Variants in PSD4 observed in about 807,000 individuals in gnomAD.
PSD4 encodes pleckstrin and Sec7 domain containing 4.
A neutral mutation model predicts 112.5 loss-of-function variants in PSD4; 59 were observed. The observed-to-expected ratio is 0.52, with a 90% CI of 0.43 to 0.65. The LOEUF (loss-of-function observed/expected upper bound fraction) is 0.65. Ranked by LOEUF, PSD4 falls within the 30% of genes least tolerant of loss-of-function variation. The pLI is 0.00. For synonymous variants in PSD4, 533 were observed against 540.0 expected, an observed-to-expected ratio of 0.99 and a Z score of 0.18; for missense variants, 1,267 against 1,352.6, an observed-to-expected ratio of 0.94 and a Z score of 0.99.
chr2:113,197,263 G>T (rs551473923), intron 12 of PSD4: 2 of 437,610 alleles, frequency 4.6e-6, no homozygotes. Flanking sequence ...CCACTACTTG[G>T]GGTAGTGGGT....
At chr2:113,197,936 T>A (rs1368831793) in intron 14 of PSD4, 23 bp downstream of exon 14, 2 of 1,543,828 alleles carry the variant, frequency 1.3e-6, no homozygotes, top group South Asian at 2.5e-5. Flanking sequence ...GGTGGGAGAC[T>A]GTGGCAAGGC....
chr2:113,186,305 A>G, intron 5 of PSD4, 50 bp downstream of exon 5: 1 of 1,506,712 alleles, frequency 6.6e-7, no homozygotes. Flanking sequence ...GGATGCATTT[A>G]AGAATATTCT....
chr2:113,196,974 G>A (rs913072564), intron 12 of PSD4, among the ~76,000 whole-genome samples: 1 of 152,272 alleles, frequency 6.6e-6, no homozygotes, highest in African/African-American at 2.4e-5. Flanking sequence ...ATAGGCTGGG[G>A]CGACCAGGAT....
At chr2:113,183,554 C>A in intron 2 of PSD4, 42 bp downstream of exon 2, 1 of 1,474,520 alleles carries the variant, frequency 6.8e-7, no homozygotes, top group Non-Finnish European at 9.1e-7. Flanking sequence ...GTGCTGGGAA[C>A]ACAGAAGGGA....
intron 11 of PSD4, 28 bp from the exon 12 acceptor site, chr2:113,196,119 A>T: frequency 6.3e-7 from 1 of 1,595,766 alleles, no homozygotes; most frequent in Non-Finnish European, 8.6e-7. Context: ...CATAGTCAGC[A>T]CTTCCAGCCC....
chr2:113,195,857 G>C lies in PSD4; in HGVS notation c.2225+87G>C, dbSNP rs927456595. 15 of 1,545,216 alleles carry C rather than the reference G, an allele frequency of 9.7e-6. No homozygotes were observed. In the African/African-American group the frequency reaches 1.2e-4, roughly 13 times the overall value. ...CCCTCTGTCACCCACCCGAGAGTTA[G>C]AGAAACTCAGATAGTGCTCCCCTTG... On this transcript the variant is annotated intron_variant, in intron 11 of 16. Transcript: ENST00000245796.
chr2:113,199,151 G>A lies in PSD4; in HGVS notation c.2838G>A (p.Arg946=), dbSNP rs1298716929. Residue 946 remains arginine (R), a synonymous_variant, in exon 16 of 17, where the codon AGG becomes AGA. Transcript: ENST00000245796. ...CGGACGACCTGCTGGATCTACAGAG[G>A]AACCTGCCGGAGCGGCGGGGCCGTG... is the stretch of plus-strand genomic sequence containing the variant. The part of the protein sequence containing the change: ...AAADDLLDLQ[R]NLPERRGRGR... 5.2e-6 allele frequency: 8 copies of A among 1,528,636 alleles called. No individual in the cohort carries two copies. The highest frequency in any genetic ancestry group is 1.2e-5 in the South Asian group (1 of 82,500). The allele number at this position is 1,528,636 out of a possible 1,614,324, so 94.7% of individuals were successfully genotyped here. A position where few individuals can be genotyped will look rare whatever the true frequency, so the allele number is the denominator to read the frequency against.
At chr2:113,181,775 G>A in intron 1 of PSD4, among the ~76,000 whole-genome samples, 1 of 152,214 alleles carries the variant, frequency 6.6e-6, no homozygotes, top group Admixed American at 6.5e-5. Context: ...CAAAGAAGCA[G>A]GCTGTGAGCC....
chr2:113,203,067 TCA>T lies in PSD4; in HGVS notation c.*1656_*1657del, dbSNP rs1369274576. 4 of 152,394 alleles carry T rather than the reference TCA, an allele frequency of 2.6e-5. No homozygotes were observed. Among genetic ancestry groups the T allele is most frequent in the African/African-American group, 9.6e-5 (4 of 41,574 alleles). The allele number at this position is 152,394 out of a possible 1,614,324, so 9.4% of individuals were successfully genotyped here. On this transcript the variant is annotated 3_prime_UTR_variant, in exon 17 of 17. Coordinates refer to ENST00000245796, the MANE Select transcript of PSD4 (RefSeq NM_012455.3). ...CTGTGTGTTCATGCATATGCAGGAG[TCA>T]CACGGTCATAGGCCATCAAAGCTGG...
At chr2:113,180,635 G>C (rs1366070415) in intron 1 of PSD4, among the ~76,000 whole-genome samples, 1 of 149,798 alleles carries the variant, frequency 6.7e-6, no homozygotes, top group East Asian at 2.1e-4. Flanking sequence ...CATTAAGCCA[G>C]ACTCAGGCTA....
intron 1 of PSD4, among the ~76,000 whole-genome samples, chr2:113,180,243 G>T (rs914092355): frequency 6.6e-6 from 1 of 152,156 alleles, no homozygotes; most frequent in Admixed American, 6.5e-5. Context: ...AATCACCTCC[G>T]TTAACCCTAG....
Position 113,183,059 on chromosome 2 carries a change from G to A in PSD4, c.603G>A (p.Leu201=), listed in dbSNP as rs1417544658. Residue 201 remains leucine, a synonymous_variant, in exon 2 of 17, where the codon CTG becomes CTA. Transcript: ENST00000245796. The stretch of plus-strand genomic sequence containing the variant: ...TGGACCTCCCCGGGGACACGGGCCT[G>A]CACTCCAGCCCACCTGAGAATGAAG... ...PPVDLPGDTG[L]HSSPPENEDS... The A allele has an allele frequency of 3.1e-6, 5 of 1,613,098 alleles. No individual in the cohort carries two copies. The highest frequency in any genetic ancestry group is 4.2e-6 in the Non-Finnish European group (5 of 1,179,314).
rs1328065000 is a variant in PSD4, at chr2:113,201,430, C to G, written c.*15C>G. On this transcript the variant is annotated 3_prime_UTR_variant, in exon 17 of 17. Transcript: ENST00000245796. ...ATCAGCTGTGAAGCCAGCACCACCT[C>G]AGAGACACTGTTCCCTGCTCCAGGG... is the stretch of plus-strand genomic sequence containing the variant. 1 of 1,612,344 alleles carries G rather than the reference C, an allele frequency of 6.2e-7. No individual in the cohort carries two copies. The highest frequency in any genetic ancestry group is 1.3e-5 in the African/African-American group (1 of 75,056).
At chr2:113,179,711 C>G (rs975994841) in intron 1 of PSD4, among the ~76,000 whole-genome samples, 2 of 152,194 alleles carry the variant, frequency 1.3e-5, no homozygotes, top group African/African-American at 4.8e-5. Flanking sequence ...TGGAGCCACT[C>G]TGGTTCAAAC....
At chr2:113,189,135 C>T (rs1235221484) in intron 5 of PSD4, among the ~76,000 whole-genome samples, 1 of 152,102 alleles carries the variant, frequency 6.6e-6, no homozygotes, top group Non-Finnish European at 1.5e-5. Flanking sequence ...GCTTAGTTCC[C>T]ACTTATGAGT....
chr2:113,193,005 C>A, intron 6 of PSD4, 43 bp from the exon 7 acceptor site: 2 of 1,585,872 alleles, frequency 1.3e-6, no homozygotes, highest in South Asian at 1.1e-5. Flanking sequence ...CAGCCCCAGC[C>A]CAGGCCCCTG....
At position 113,185,038 on chromosome 2, in the gene PSD4, G is replaced by A. The variant is rs1320306467; in HGVS notation, c.1138G>A (p.Asp380Asn). Residue 380 changes from aspartate (D) to asparagine (N), a missense_variant, in exon 3 of 17, where the codon GAT becomes AAT. Asp to Asn is a conservative substitution (Grantham distance 23). Around this residue, in one of 2 missense-constraint regions of PSD4, gnomAD observed 723 missense variants for 704.0 expected, o/e 1.03. Transcript: ENST00000245796. Reference sequence around the variant, plus strand: ...CTGGGAATCAGGATGTGTCGGATCTGATCTTGGCCCTGCTGCACATCCTGT... The same window carrying A: ...CTGGGAATCAGGATGTGTCGGATCTAATCTTGGCCCTGCTGCACATCCTGT... ...LTWESGCVGS[D>N]LGPAAHPVQP... is the part of the protein sequence containing the mutation. 6.8e-6 allele frequency: 11 copies of A among 1,614,274 alleles called. No homozygotes were observed. The East Asian group carries it at 2.0e-4, about 29-fold the overall frequency.
chr2:113,190,294 T>C (rs768319115), intron 5 of PSD4, among the ~76,000 whole-genome samples: 13 of 152,240 alleles, frequency 8.5e-5, no homozygotes, highest in Non-Finnish European at 1.6e-4. Flanking sequence ...GCTAGCCAAT[T>C]ATCCCAACAC....
intron 6 of PSD4, 88 bp downstream of exon 6, chr2:113,192,677 C>G (rs972070514): frequency 2.2e-5 from 30 of 1,355,862 alleles, no homozygotes; most frequent in Non-Finnish European, 3.1e-5. Context: ...CCACCCTCCC[C>G]TTCCCGTCCC....
Sources: allele counts gnomAD v4.1 joint callset (sites outside exome capture counted in the v4.1 genomes callset), GRCh38; gene constraint gnomAD v4.1.1; regional missense constraint gnomAD v4.1.1; transcripts MANE v1.5; gene names NCBI Gene and HGNC (gene_info 2026-07-23, HGNC 2026-07-21).